NEK1: variants seen among roughly 807,000 people sequenced by gnomAD.
The protein encoded by NEK1 is serine/threonine-protein kinase Nek1.
NEK1 carries 137 observed loss-of-function variants against 182.1 expected under a neutral mutation model. That is an observed-to-expected ratio of 0.75 (90% CI 0.65 to 0.87). NEK1 has a LOEUF of 0.87. Ranked by LOEUF, NEK1 falls within the 40% of genes least tolerant of loss-of-function variation. NEK1 has a pLI of 0.00. For missense variants in NEK1, 1,391 were observed against 1,494.4 expected, an observed-to-expected ratio of 0.93 and a Z score of 1.14; for synonymous variants, 513 against 492.2, an observed-to-expected ratio of 1.04 and a Z score of -0.56.
chr4:169,546,493 T>C (rs747729868), intron 18 of NEK1, among the ~76,000 whole-genome samples: 6 of 152,170 alleles, frequency 3.9e-5, no homozygotes, highest in Non-Finnish European at 5.9e-5. Context: ...AGATGTCTAT[T>C]AGGTCCGCTC....
intron 18 of NEK1, among the ~76,000 whole-genome samples, chr4:169,545,805 T>C (rs974899399): frequency 6.6e-6 from 1 of 152,158 alleles, no homozygotes; most frequent in Non-Finnish European, 1.5e-5. Context: ...TGACCAGTGA[T>C]GATGAGCATT....
Position 169,424,731 on chromosome 4 carries a change from A to G in NEK1, c.3044T>C (p.Phe1015Ser). ...VDKSVQPEPF[F>S]HKVVHSEHLN... Reference sequence around the variant, plus strand: ...GTGTTCAGAATGAACCACCTTATGGAAAAATGGTTCCGGTTGCACAGACTT... The same window carrying G: ...GTGTTCAGAATGAACCACCTTATGGGAAAATGGTTCCGGTTGCACAGACTT... The change falls in exon 31 of 36, where the codon TTC becomes TCC. Residue 1015 changes from phenylalanine to serine, a missense_variant. Phe to Ser is a radical substitution (Grantham distance 155). Transcript: ENST00000507142. The G allele has an allele frequency of 6.2e-7, 1 of 1,613,428 alleles. No homozygotes were observed. The highest frequency in any genetic ancestry group is 8.5e-7 in the Non-Finnish European group (1 of 1,179,466).
At chr4:169,420,916 G>C (rs1289869991) in intron 31 of NEK1, among the ~76,000 whole-genome samples, 1 of 152,148 alleles carries the variant, frequency 6.6e-6, no homozygotes, top group Non-Finnish European at 1.5e-5. Context: ...TCAATTAAAA[G>C]AGATTGTTAG....
intron 19 of NEK1, among the ~76,000 whole-genome samples, chr4:169,509,812 G>C (rs1421015899): frequency 1.3e-5 from 2 of 152,008 alleles, no homozygotes; most frequent in African/African-American, 4.8e-5. Flanking sequence ...TCTGCCATCT[G>C]AGAAACTTAA....
intron 19 of NEK1, among the ~76,000 whole-genome samples, chr4:169,533,936 A>C (rs1213496891): frequency 1.3e-5 from 2 of 152,206 alleles, no homozygotes; most frequent in Non-Finnish European, 2.9e-5. Flanking sequence ...ACAACTGAGA[A>C]ATATTCAAGT....
chr4:169,602,548 C>T lies in NEK1; in HGVS notation c.83G>A (p.Arg28Lys). ...AILVKSTEDG[R>K]QYVIKEINIS... ...GTTAATTTCCTTGATAACATACTGT[C>T]TGCCATCTTCTGTAGATTTAACAAG... The change falls in exon 3 of 36, where the codon AGA (arginine) becomes AAA (lysine). Residue 28 changes from arginine to lysine, a missense_variant. By Grantham distance (26) the Arg-to-Lys change is conservative. Coordinates refer to ENST00000507142, the MANE Select transcript of NEK1 (RefSeq NM_001199397.3). 2 of 1,604,810 alleles carry T rather than the reference C, an allele frequency of 1.2e-6. No homozygotes were observed. The highest frequency in any genetic ancestry group is 1.7e-6 in the Non-Finnish European group (2 of 1,172,602).
At chr4:169,420,111 T>G (rs573064417) in intron 31 of NEK1, among the ~76,000 whole-genome samples, 1 of 152,318 alleles carries the variant, frequency 6.6e-6, no homozygotes, top group African/African-American at 2.4e-5. Context: ...CTGTAACCTT[T>G]TCACTTTATA....
chr4:169,595,730 T>C (rs1355138089), intron 5 of NEK1, among the ~76,000 whole-genome samples: 1 of 151,986 alleles, frequency 6.6e-6, no homozygotes, highest in African/African-American at 2.4e-5. Context: ...AAGACCATCC[T>C]GGCTAACACA....
intron 27 of NEK1, among the ~76,000 whole-genome samples, chr4:169,439,704 C>G (rs1227714915): frequency 6.6e-6 from 1 of 151,928 alleles, no homozygotes; most frequent in Admixed American, 6.6e-5. Flanking sequence ...GATGATAAAT[C>G]TGCACATTTG....
At chr4:169,495,160 T>C (rs1750941781) in intron 23 of NEK1, among the ~76,000 whole-genome samples, 1 of 152,050 alleles carries the variant, frequency 6.6e-6, no homozygotes, top group South Asian at 2.1e-4. Context: ...CATGAAGTCC[T>C]TGCCCATGTC....
At chr4:169,420,755 G>A (rs905304906) in intron 31 of NEK1, among the ~76,000 whole-genome samples, 1 of 152,062 alleles carries the variant, frequency 6.6e-6, no homozygotes, top group African/African-American at 2.4e-5. Flanking sequence ...ATAAAATAAG[G>A]TGCTAAAAAT....
intron 23 of NEK1, among the ~76,000 whole-genome samples, chr4:169,479,798 T>C (rs1267616174): frequency 6.6e-6 from 1 of 152,174 alleles, no homozygotes; most frequent in Admixed American, 6.6e-5. Context: ...CAATGTTTCA[T>C]GAAATGATCC....
At chr4:169,457,296 A>G (rs1408743833) in intron 27 of NEK1, among the ~76,000 whole-genome samples, 5 of 152,200 alleles carry the variant, frequency 3.3e-5, no homozygotes, top group Non-Finnish European at 5.9e-5. Context: ...TGCATTGCAT[A>G]TCTGTATCAA....
intron 27 of NEK1, among the ~76,000 whole-genome samples, chr4:169,447,975 A>T (rs1225202192): frequency 6.6e-6 from 1 of 152,126 alleles, no homozygotes; most frequent in Non-Finnish European, 1.5e-5. Context: ...GCTGGAACCC[A>T]GGAATTTGAA....
chr4:169,475,491 TAA>T (rs1373724957), intron 26 of NEK1, among the ~76,000 whole-genome samples: 1 of 152,088 alleles, frequency 6.6e-6, no homozygotes, highest in Non-Finnish European at 1.5e-5. Flanking sequence ...CATTCTAGAA[TAA>T]ATCTCCAGAA....
Position 169,435,900 on chromosome 4 carries a change from T to C in NEK1, c.2764+2183A>G, listed in dbSNP as rs767531980. Among the ~76,000 whole-genome samples the C allele has an allele frequency of 2.4e-4, 37 of 152,144 alleles. 1 individual carries two copies. Among genetic ancestry groups the C allele is most frequent in the Admixed American group, 1.2e-3 (18 of 15,268 alleles). On this transcript the variant is annotated intron_variant, in intron 28 of 35. Transcript: ENST00000507142. ...TGACTCAAAAAATTGTGAGATAACA[T>C]AAAATAAAAATAAAAATTGTTTTTT...
intron 27 of NEK1, among the ~76,000 whole-genome samples, chr4:169,458,587 G>T (rs1307372181): frequency 1.3e-5 from 2 of 151,958 alleles, no homozygotes; most frequent in Non-Finnish European, 2.9e-5. Context: ...AATTAGCCAG[G>T]CACAATGATG....
chr4:169,593,405 G>A (rs775452935), intron 5 of NEK1, among the ~76,000 whole-genome samples: 2 of 152,162 alleles, frequency 1.3e-5, no homozygotes, highest in Non-Finnish European at 2.9e-5. Context: ...AAAGACTACT[G>A]GGGGAGATGG....
chr4:169,489,405 T>C (rs997851922), intron 23 of NEK1, among the ~76,000 whole-genome samples: 2 of 152,110 alleles, frequency 1.3e-5, no homozygotes, highest in South Asian at 2.1e-4. Flanking sequence ...AAACAATGAA[T>C]TGATAACTGC....
Sources: allele counts gnomAD v4.1 joint callset (sites outside exome capture counted in the v4.1 genomes callset), GRCh38; gene constraint gnomAD v4.1.1; transcripts MANE v1.5; gene names NCBI Gene and HGNC (gene_info 2026-07-23, HGNC 2026-07-21).